The following AASDH variants were observed in gnomAD, a reference collection of about 807,000 sequenced individuals.
AASDH encodes aminoadipate-semialdehyde dehydrogenase, also known as beta-alanine-activating enzyme.
A neutral mutation model predicts 102.3 loss-of-function variants in AASDH; 81 were observed. That is an observed-to-expected ratio of 0.79 (90% CI 0.66 to 0.95). The LOEUF (loss-of-function observed/expected upper bound fraction) is 0.95, where lower values mean the gene tolerates loss of function less well. Among genes scored for constraint, AASDH ranks in the 40% least tolerant of loss-of-function variants. The probability of loss-of-function intolerance (pLI) is 0.00; values close to 1 mark genes in which losing one functional copy is unlikely to be tolerated. For missense variants in AASDH, 1,203 were observed against 1,266.2 expected, an observed-to-expected ratio of 0.95 and a Z score of 0.76; for synonymous variants, 398 against 454.0, an observed-to-expected ratio of 0.88 and a Z score of 1.57.
chr4:56,377,579 T>A (rs1752505586), intron 4 of AASDH, among the ~76,000 whole-genome samples: 1 of 152,186 alleles, frequency 6.6e-6, no homozygotes, highest in Non-Finnish European at 1.5e-5. Context: ...TCTCCCTTTT[T>A]ATTAATAATT....
rs199518700 is a variant in AASDH at position 56,342,817 on chromosome 4, A to C, written c.2907+18T>G. 1,853 of 1,242,208 alleles carry C rather than the reference A, an allele frequency of 1.5e-3. 12 individuals carry two copies. The highest frequency in any genetic ancestry group is 9.6e-3 in the Middle Eastern group (41 of 4,282). 76.9% of individuals were successfully genotyped at this position (1,242,208 alleles called of 1,614,324 possible). On this transcript the variant is annotated intron_variant, in intron 14 of 14. Transcript: ENST00000205214. ...TATATATAAAAATGTATATATAAAAAATTTCTAGTTCTATTACCTGTTCTC... is the reference window on the plus strand; with the variant it reads ...TATATATAAAAATGTATATATAAAACATTTCTAGTTCTATTACCTGTTCTC...
Position 56,338,489 on chromosome 4 carries a change from A to C in AASDH, c.3210T>G (p.Ser1070=). 2 of 1,614,024 alleles carry C rather than the reference A, an allele frequency of 1.2e-6. No individual in the cohort carries two copies. The highest frequency in any genetic ancestry group is 1.7e-6 in the Non-Finnish European group (2 of 1,179,990). Residue 1070 remains serine, a synonymous_variant, in exon 15 of 15, where the codon TCT becomes TCG. Coordinates refer to ENST00000205214, the MANE Select transcript of AASDH (RefSeq NM_181806.4). ...TGAGCATTGATTCCAGGACCACAGGAGAAGAGAAGACTTCTCCAGGAAGTT... is the reference window on the plus strand; with the variant it reads ...TGAGCATTGATTCCAGGACCACAGGCGAAGAGAAGACTTCTCCAGGAAGTT... ...VYELPGEVFS[S]PVVLESMLII...
intron 5 of AASDH, among the ~76,000 whole-genome samples, chr4:56,366,184 T>G (rs967948201): frequency 1.3e-5 from 2 of 152,268 alleles, no homozygotes; most frequent in Non-Finnish European, 2.9e-5. Context: ...AAGTTGAATC[T>G]CTGTATAGAC....
intron 5 of AASDH, among the ~76,000 whole-genome samples, chr4:56,364,997 A>G (rs1750803952): frequency 1.3e-5 from 2 of 152,200 alleles, no homozygotes; most frequent in African/African-American, 2.4e-5. Context: ...AGACACACAT[A>G]GGCTCAAAAT....
chr4:56,348,481 C>G (rs1159867496), intron 11 of AASDH, among the ~76,000 whole-genome samples: 2 of 152,242 alleles, frequency 1.3e-5, no homozygotes, highest in East Asian at 1.9e-4. Context: ...TCTCGAACTC[C>G]TGGGCACAAG....
At chr4:56,384,639 AT>A (rs1753344542) in intron 1 of AASDH, among the ~76,000 whole-genome samples, 2 of 152,176 alleles carry the variant, frequency 1.3e-5, no homozygotes, top group Admixed American at 6.5e-5. Context: ...ACGGACCACA[AT>A]GTAAATATGA....
At chr4:56,378,083 G>A in intron 4 of AASDH, 65 bp downstream of exon 4, 2 of 1,469,904 alleles carry the variant, frequency 1.4e-6, no homozygotes, top group Admixed American at 2.2e-5. Flanking sequence ...TGGGATTACA[G>A]GCATAAGCCA....
chr4:56,351,815 T>C lies in AASDH; in HGVS notation c.1577-358A>G, dbSNP rs1476372837. On this transcript the variant is annotated intron_variant, in intron 9 of 14. Coordinates refer to ENST00000205214, the MANE Select transcript of AASDH (RefSeq NM_181806.4). ...TGTAGTTCTAGCTACTCGGGAGGCT[T>C]AGATGGGAGGATCACTTGAACCCAG... Among the ~76,000 whole-genome samples, 3 of 151,110 alleles carry C rather than the reference T, an allele frequency of 2.0e-5. No homozygotes were observed. The East Asian group carries it at 5.9e-4, about 30-fold the overall frequency.
chr4:56,339,939 C>T (rs947852227), intron 14 of AASDH, among the ~76,000 whole-genome samples: 11 of 151,892 alleles, frequency 7.2e-5, no homozygotes, highest in Non-Finnish European at 1.6e-4. Context: ...GAGGCCAAGG[C>T]AGGTGGATCA....
At chr4:56,376,280 C>T (rs989167699) in intron 4 of AASDH, among the ~76,000 whole-genome samples, 1 of 152,112 alleles carries the variant, frequency 6.6e-6, no homozygotes, top group African/African-American at 2.4e-5. Flanking sequence ...CCTGCCTTAG[C>T]CTCCTAAAGT....
At chr4:56,351,930 AAAAG>A (rs1236965155) in intron 9 of AASDH, among the ~76,000 whole-genome samples, 2 of 151,720 alleles carry the variant, frequency 1.3e-5, no homozygotes, top group Non-Finnish European at 2.9e-5. Flanking sequence ...AAAAAAAAAA[AAAAG>A]AAAGAAAAAG....
chr4:56,375,948 C>G (rs1339693378), intron 4 of AASDH, among the ~76,000 whole-genome samples: 2 of 151,812 alleles, frequency 1.3e-5, no homozygotes, highest in Non-Finnish European at 2.9e-5. Context: ...TGTTAATACT[C>G]CTACTACTAA....
At chr4:56,362,586 GC>G (rs1443587817) in intron 5 of AASDH, among the ~76,000 whole-genome samples, 1 of 152,102 alleles carries the variant, frequency 6.6e-6, no homozygotes. Context: ...TAAGAGCCCT[GC>G]TTCATGTCCA....
At chr4:56,368,630 A>G (rs971470096) in intron 5 of AASDH, among the ~76,000 whole-genome samples, 2 of 149,754 alleles carry the variant, frequency 1.3e-5, no homozygotes, top group Admixed American at 6.7e-5. Context: ...CAAAAAACCA[A>G]ACACCGCATG....
At position 56,338,741 on chromosome 4, in the gene AASDH, T is replaced by C. The variant is rs1747218241; in HGVS notation, c.2958A>G (p.Ser986=). 4.3e-6 allele frequency: 7 copies of C among 1,614,134 alleles called. No homozygotes were observed. The highest frequency in any genetic ancestry group is 5.9e-6 in the Non-Finnish European group (7 of 1,180,004). ...SGPIFSSPCT[S]PSEQKIFFGS... is the part of the protein sequence containing the mutation. ...CAAAAAATATTTTTTGCTCTGATGGTGAGGTACACGGGGATGAAAAGATTG... is the reference window on the plus strand; with the variant it reads ...CAAAAAATATTTTTTGCTCTGATGGCGAGGTACACGGGGATGAAAAGATTG... The change falls in exon 15 of 15, where the codon TCA becomes TCG. Residue 986 remains serine, a synonymous_variant. Coordinates refer to ENST00000205214, the MANE Select transcript of AASDH (RefSeq NM_181806.4).
At chr4:56,342,110 CAAAAAAAA>C (rs113304959) in intron 14 of AASDH, among the ~76,000 whole-genome samples, 1 of 97,484 alleles carries the variant, frequency 1.0e-5, no homozygotes, top group Non-Finnish European at 2.0e-5. Context: ...GATTCTGTCT[CAAAAAAAA>C]AAAAAAAAAA....
chr4:56,384,804 T>G (rs1392665397), intron 1 of AASDH, among the ~76,000 whole-genome samples: 2 of 152,250 alleles, frequency 1.3e-5, no homozygotes, highest in Non-Finnish European at 2.9e-5. Flanking sequence ...CCGGGTGCGG[T>G]GGCTCACACC....
At chr4:56,353,215 T>C (rs929310313) in intron 9 of AASDH, among the ~76,000 whole-genome samples, 189 bp downstream of exon 9, 8 of 152,088 alleles carry the variant, frequency 5.3e-5, no homozygotes, top group Non-Finnish European at 2.9e-5. Flanking sequence ...TAAATAGGAA[T>C]AATACCACCT....
At chr4:56,358,647 T>A (rs2109915051) in intron 5 of AASDH, among the ~76,000 whole-genome samples, 1 of 152,156 alleles carries the variant, frequency 6.6e-6, no homozygotes, top group East Asian at 1.9e-4. Flanking sequence ...GTAGTATACA[T>A]CATCAATAGA....
Sources: gnomAD v4.1 joint callset for allele counts (sites outside exome capture counted in the v4.1 genomes callset) on GRCh38, gnomAD v4.1.1 for gene constraint, MANE v1.5 for transcripts, NCBI Gene and HGNC (gene_info 2026-07-23, HGNC 2026-07-21) for gene names.